Variants in DOCK3 observed in about 807,000 individuals in gnomAD.
The protein encoded by DOCK3 is dedicator of cytokinesis protein 3.
A neutral mutation model predicts 265.6 loss-of-function variants in DOCK3; 60 were observed. The observed-to-expected ratio is 0.23, with a 90% CI of 0.18 to 0.28. The LOEUF is 0.28. DOCK3 is among the 10% of genes least tolerant of loss of function. DOCK3 has a pLI of 1.00. For synonymous variants in DOCK3, 881 were observed against 938.0 expected, an observed-to-expected ratio of 0.94 and a Z score of 1.11; for missense variants, 1,981 against 2,594.3, an observed-to-expected ratio of 0.76 and a Z score of 5.14.
intron 16 of DOCK3, 125 bp downstream of exon 16, chr3:51,227,570 C>T (rs892075450): frequency 7.3e-7 from 1 of 1,367,922 alleles, no homozygotes; most frequent in Non-Finnish European, 9.9e-7. Context: ...TAAACAGCTA[C>T]TCAGAGATGG....
intron 12 of DOCK3, among the ~76,000 whole-genome samples, chr3:51,177,363 G>T (rs2087015432): frequency 6.6e-6 from 1 of 152,040 alleles, no homozygotes; most frequent in Non-Finnish European, 1.5e-5. Context: ...TTGCTGTTGG[G>T]CTATCATACT....
chr3:50,933,791 T>G (rs1468830799), intron 4 of DOCK3, among the ~76,000 whole-genome samples, 190 bp from the exon 5 acceptor site: 2 of 152,216 alleles, frequency 1.3e-5, no homozygotes, highest in African/African-American at 4.8e-5. Flanking sequence ...CCAAATCTCT[T>G]TACTTTAATT....
rs566845078 is a variant in DOCK3 at position 51,162,100 on chromosome 3, A to T, written c.1037+1398A>T. The stretch of plus-strand genomic sequence containing the variant: ...AGTTTTTAAAGCAAGTATATTTAAA[A>T]CTGTGAGAATTTTTAAAAACTCATC... On this transcript the variant is annotated intron_variant, in intron 12 of 52. Coordinates refer to ENST00000266037, the MANE Select transcript of DOCK3 (RefSeq NM_004947.5). Among the ~76,000 whole-genome samples, 16 of 152,298 alleles carry T rather than the reference A, an allele frequency of 1.1e-4. No individual in the cohort carries two copies. In the South Asian group the frequency reaches 2.5e-3, roughly 24 times the overall value.
intron 32 of DOCK3, among the ~76,000 whole-genome samples, chr3:51,319,396 TAAAAA>T (rs10709692): frequency 1.4e-5 from 2 of 142,076 alleles, no homozygotes; most frequent in African/African-American, 2.6e-5. Context: ...CAACACTTGA[TAAAAA>T]AAAAAAAAAA....
At chr3:51,300,692 G>C in intron 27 of DOCK3, among the ~76,000 whole-genome samples, 1 of 152,106 alleles carries the variant, frequency 6.6e-6, no homozygotes, top group Non-Finnish European at 1.5e-5. Flanking sequence ...CTGTTTATGT[G>C]CTGAATTACC....
Position 50,725,191 on chromosome 3 carries a change from G to A in DOCK3, c.37+49891G>A, listed in dbSNP as rs374779246. Among the ~76,000 whole-genome samples, 13 of 152,056 alleles carry A rather than the reference G, an allele frequency of 8.5e-5. No individual in the cohort carries two copies. In the South Asian group the frequency reaches 1.7e-3, roughly 19 times the overall value. On this transcript the variant is annotated intron_variant, in intron 1 of 52. Coordinates refer to ENST00000266037, the MANE Select transcript of DOCK3 (RefSeq NM_004947.5). ...ATGAATAATAACAACATCTTATGGC[G>A]TTTATCACATATATAAAGGACAAAT...
chr3:51,046,417 C>A (rs549727365), intron 5 of DOCK3, among the ~76,000 whole-genome samples: 1 of 151,874 alleles, frequency 6.6e-6, no homozygotes, highest in South Asian at 2.1e-4. Context: ...AAAATGGTAA[C>A]CTAAAGAGAG....
intron 3 of DOCK3, among the ~76,000 whole-genome samples, chr3:50,874,525 AAAAAC>A (rs142335670): frequency 0.092 from 13,738 of 149,676 alleles, 736 homozygotes; most frequent in Non-Finnish European, 0.12. Flanking sequence ...AAAGAAAAAA[AAAAAC>A]AAAAAAAGTA....
At chr3:51,075,817 G>A (rs1368171228) in intron 7 of DOCK3, among the ~76,000 whole-genome samples, 2 of 152,164 alleles carry the variant, frequency 1.3e-5, no homozygotes, top group South Asian at 2.1e-4. Flanking sequence ...TGGAAATAAT[G>A]TACTAGTCTT....
chr3:50,971,105 C>A (rs1328503478), intron 5 of DOCK3, among the ~76,000 whole-genome samples: 1 of 148,404 alleles, frequency 6.7e-6, no homozygotes, highest in Non-Finnish European at 1.5e-5. Context: ...GATGGGATTA[C>A]AGCTGTGTGT....
At chr3:50,963,310 T>G (rs1462433911) in intron 5 of DOCK3, among the ~76,000 whole-genome samples, 2 of 152,252 alleles carry the variant, frequency 1.3e-5, no homozygotes, top group Non-Finnish European at 2.9e-5. Context: ...ATAAAATTTG[T>G]ACTTCTGTTT....
intron 4 of DOCK3, among the ~76,000 whole-genome samples, chr3:50,906,080 T>C (rs1368477791): frequency 6.6e-6 from 1 of 152,118 alleles, no homozygotes; most frequent in Non-Finnish European, 1.5e-5. Flanking sequence ...GATTTGCATA[T>C]GTTGAACCAG....
At chr3:51,177,024 GTCTACTT>G (rs2086997931) in intron 12 of DOCK3, among the ~76,000 whole-genome samples, 1 of 152,140 alleles carries the variant, frequency 6.6e-6, no homozygotes, top group Middle Eastern at 3.4e-3. Flanking sequence ...TTAGTACTCT[GTCTACTT>G]TCAGGGCCCT....
intron 5 of DOCK3, among the ~76,000 whole-genome samples, chr3:51,061,351 G>A (rs2081400906): frequency 6.6e-6 from 1 of 152,128 alleles, no homozygotes; most frequent in Non-Finnish European, 1.5e-5. Context: ...AGAAAATGTG[G>A]CACATATACA....
At chr3:50,734,900 G>A (rs1231114859) in intron 1 of DOCK3, among the ~76,000 whole-genome samples, 1 of 152,098 alleles carries the variant, frequency 6.6e-6, no homozygotes, top group Non-Finnish European at 1.5e-5. Context: ...ACCGCGCCCA[G>A]CCTGCAGTGA....
At chr3:51,061,191 A>T (rs1284556080) in intron 5 of DOCK3, among the ~76,000 whole-genome samples, 2 of 152,174 alleles carry the variant, frequency 1.3e-5, no homozygotes, top group East Asian at 1.9e-4. Context: ...ATACCATTTG[A>T]CCCAGCCATC....
intron 12 of DOCK3, among the ~76,000 whole-genome samples, chr3:51,183,327 G>A (rs929650914): frequency 6.6e-6 from 1 of 152,072 alleles, no homozygotes; most frequent in African/African-American, 2.4e-5. Flanking sequence ...TTTGGTTTCT[G>A]GGTGTATTAA....
intron 12 of DOCK3, among the ~76,000 whole-genome samples, chr3:51,184,225 C>T (rs539803894): frequency 7.3e-4 from 110 of 151,596 alleles, no homozygotes; most frequent in African/African-American, 2.6e-3. Context: ...GCAGGAGAAT[C>T]GCTTGTACCT....
At chr3:51,270,755 C>A in intron 23 of DOCK3, 60 bp from the exon 24 acceptor site, 1 of 1,514,316 alleles carries the variant, frequency 6.6e-7, no homozygotes, top group Non-Finnish European at 8.9e-7. Flanking sequence ...ATTGTCTGAG[C>A]ATGAAAGATA....
Sources: allele counts gnomAD v4.1 joint callset (sites outside exome capture counted in the v4.1 genomes callset), GRCh38; gene constraint gnomAD v4.1.1; transcripts MANE v1.5; gene names NCBI Gene and HGNC (gene_info 2026-07-23, HGNC 2026-07-21).